CEP192: variants seen among roughly 807,000 people sequenced by gnomAD.
CEP192 encodes centrosomal protein of 192 kDa.
In CEP192, 151 loss-of-function variants were observed where a neutral mutation model predicts 271.8. That is an observed-to-expected ratio of 0.56 (90% CI 0.49 to 0.64). The LOEUF (loss-of-function observed/expected upper bound fraction) is 0.64. Among genes scored for constraint, CEP192 ranks in the 30% least tolerant of loss-of-function variants. The probability of loss-of-function intolerance (pLI) is 0.00; values close to 1 mark genes in which losing one functional copy is unlikely to be tolerated. For missense variants in CEP192, 2,910 were observed against 3,020.5 expected (o/e 0.96, Z 0.86); for synonymous variants, 995 against 1,076.5 (o/e 0.92, Z 1.48).
intron 11 of CEP192, among the ~76,000 whole-genome samples, chr18:13,031,240 G>GTT (rs1382760091): frequency 8.0e-6 from 1 of 124,940 alleles, no homozygotes; most frequent in African/African-American, 3.3e-5. Context: ...TGGCCTTATT[G>GTT]TTGTTTTTTT....
intron 41 of CEP192, 58 bp downstream of exon 41, chr18:13,113,763 AAATT>A (rs2040311493): frequency 6.8e-7 from 1 of 1,481,188 alleles, no homozygotes. Context: ...ACAGAAAGGG[AAATT>A]AATAAGAAAA....
Position 13,038,597 on chromosome 18 carries a change from T to G in CEP192, c.1809+18T>G. Reference sequence around the variant, plus strand: ...TGAAAAGAGTAAGTATGGAATCTGTTGGAAGTGCTCACAGTCACCAGATTT... The same window carrying G: ...TGAAAAGAGTAAGTATGGAATCTGTGGGAAGTGCTCACAGTCACCAGATTT... On this transcript the variant is annotated intron_variant, in intron 13 of 44. Coordinates refer to ENST00000506447, the MANE Select transcript of CEP192 (RefSeq NM_032142.4). 1 of 1,528,474 alleles carries G rather than the reference T, an allele frequency of 6.5e-7. No homozygotes were observed. The highest frequency in any genetic ancestry group is 8.9e-7 in the Non-Finnish European group (1 of 1,126,288). The allele number at this position is 1,528,474 out of a possible 1,614,324, so 94.7% of individuals were successfully genotyped here. A position where few individuals can be genotyped will look rare whatever the true frequency, so the allele number is the denominator to read the frequency against.
intron 38 of CEP192, among the ~76,000 whole-genome samples, chr18:13,101,094 G>T (rs1416212022): frequency 3.3e-5 from 5 of 152,172 alleles, no homozygotes; most frequent in Admixed American, 1.3e-4. Context: ...CCTGGGTAGC[G>T]AGCGACACAG....
At chr18:13,006,014 A>G (rs1023262847) in intron 3 of CEP192, among the ~76,000 whole-genome samples, 3 of 152,000 alleles carry the variant, frequency 2.0e-5, no homozygotes, top group African/African-American at 4.8e-5. Flanking sequence ...GGGTGGGGCT[A>G]TTTTCCCCCA....
At chr18:13,103,860 T>C (rs760365811) in intron 39 of CEP192, 6 of 510,758 alleles carry the variant, frequency 1.2e-5, no homozygotes, top group South Asian at 9.2e-5. Flanking sequence ...CAGCTAACTT[T>C]TTGTTTTTTT....
intron 30 of CEP192, among the ~76,000 whole-genome samples, chr18:13,082,342 C>CTCT (rs1384231850): frequency 1.3e-5 from 2 of 150,196 alleles, no homozygotes; most frequent in Non-Finnish European, 2.9e-5. Flanking sequence ...TTGAATTGAT[C>CTCT]TCTTATGATT....
At chr18:13,103,372 G>A in intron 38 of CEP192, 137 bp from the exon 39 acceptor site, 3 of 649,382 alleles carry the variant, frequency 4.6e-6, no homozygotes, top group Non-Finnish European at 8.3e-6. Flanking sequence ...AAAATACTGT[G>A]GTTCTTGTTG....
chr18:13,095,904 C>G (rs1309681229), intron 35 of CEP192, among the ~76,000 whole-genome samples: 2 of 152,182 alleles, frequency 1.3e-5, no homozygotes, highest in Non-Finnish European at 2.9e-5. Flanking sequence ...TCTCCAATGG[C>G]AGAGCCACAC....
intron 40 of CEP192, 72 bp from the exon 41 acceptor site, chr18:13,113,514 T>C (rs1435278553): frequency 6.9e-7 from 1 of 1,443,704 alleles, no homozygotes; most frequent in Admixed American, 2.0e-5. Context: ...ACCAAATCTT[T>C]GAACTGGTGA....
intron 13 of CEP192, 52 bp downstream of exon 13, chr18:13,038,631 G>A: frequency 7.5e-7 from 1 of 1,339,938 alleles, no homozygotes; most frequent in Non-Finnish European, 1.0e-6. Flanking sequence ...TTTAGATTTT[G>A]AGTATTATGA....
intron 35 of CEP192, among the ~76,000 whole-genome samples, chr18:13,095,963 A>G (rs556003809): frequency 4.6e-5 from 7 of 152,156 alleles, no homozygotes; most frequent in Non-Finnish European, 1.0e-4. Context: ...TGAATCTGCT[A>G]CGTGGGTGTG....
At chr18:13,069,497 G>A (rs1408839360) in intron 26 of CEP192, among the ~76,000 whole-genome samples, 1 of 152,200 alleles carries the variant, frequency 6.6e-6, no homozygotes, top group Non-Finnish European at 1.5e-5. Flanking sequence ...TCTGAGACCT[G>A]AGGGTGAATG....
intron 1 of CEP192, among the ~76,000 whole-genome samples, chr18:12,995,051 G>A (rs963493561): frequency 1.4e-5 from 2 of 140,838 alleles, no homozygotes; most frequent in Admixed American, 7.7e-5. Flanking sequence ...AACATGGGAG[G>A]AATTTTTTTT....
Position 13,049,265 on chromosome 18 carries a change from T to C in CEP192, c.2474T>C (p.Val825Ala), listed in dbSNP as rs141011250. 438 of 1,614,014 alleles carry C rather than the reference T, an allele frequency of 2.7e-4. No individual in the cohort carries two copies. Among genetic ancestry groups the C allele is most frequent in the Non-Finnish European group, 3.3e-4 (394 of 1,180,030 alleles). The change falls in exon 16 of 45, where the codon GTG becomes GCG. Residue 825 changes from valine (V) to alanine (A), a missense_variant. Physicochemically the swap from Val to Ala is moderately conservative, Grantham distance 64 (BLOSUM62 0). Transcript: ENST00000506447. The stretch of plus-strand genomic sequence containing the variant: ...CAAACTACTCAAGACATTCATCCGG[T>C]GGACTTAAGTGCTACTAGTGTAAGT... ...KEQTTQDIHP[V>A]DLSATSVSVR...
chr18:13,031,780 C>T (rs771067590), intron 11 of CEP192, among the ~76,000 whole-genome samples: 14 of 152,092 alleles, frequency 9.2e-5, no homozygotes, highest in Non-Finnish European at 1.3e-4. Flanking sequence ...AGAGAAGAAA[C>T]AAATGTTGCA....
intron 40 of CEP192, among the ~76,000 whole-genome samples, chr18:13,108,169 G>T (rs748624134): frequency 2.7e-4 from 41 of 152,204 alleles, no homozygotes; most frequent in Non-Finnish European, 4.9e-4. Context: ...TTAAATATTT[G>T]AACATAAGAC....
Position 13,052,901 on chromosome 18 carries a change from G to GAA in CEP192, c.3018-18_3018-17insAA. On this transcript the variant is annotated splice_polypyrimidine_tract_variant and intron_variant, in intron 17 of 44. Transcript: ENST00000506447. ...AAGGACTGGAGAACTCCAGGTGTGA[G>GAA]CTACTCTTCTCTTTCAGGTGTGCGT... 6.5e-7 allele frequency: 1 copy of GAA among 1,545,546 alleles called. No individual in the cohort carries two copies. Among genetic ancestry groups the GAA allele is most frequent in the African/African-American group, 1.4e-5 (1 of 73,210 alleles).
chr18:13,107,986 A>T (rs2040035661), intron 40 of CEP192, among the ~76,000 whole-genome samples: 1 of 152,166 alleles, frequency 6.6e-6, no homozygotes, highest in South Asian at 2.1e-4. Context: ...AGAACCCAGA[A>T]ATAAAGCCAC....
intron 3 of CEP192, among the ~76,000 whole-genome samples, chr18:13,002,170 A>T (rs1348830512): frequency 6.6e-6 from 1 of 152,188 alleles, no homozygotes; most frequent in Non-Finnish European, 1.5e-5. Flanking sequence ...GAGAACAGCC[A>T]TTGAGTACAT....
Sources: allele counts gnomAD v4.1 joint callset (sites outside exome capture counted in the v4.1 genomes callset), GRCh38; gene constraint gnomAD v4.1.1; transcripts MANE v1.5; gene names NCBI Gene and HGNC (gene_info 2026-07-23, HGNC 2026-07-21).